HECW2: variants seen among roughly 807,000 people sequenced by gnomAD.
The protein encoded by HECW2 is HECT, C2 and WW domain containing E3 ubiquitin protein ligase 2, also known as E3 ubiquitin-protein ligase HECW2.
HECW2 carries 61 observed loss-of-function variants against 175.2 expected under a neutral mutation model. That is an observed-to-expected ratio of 0.35 (90% confidence interval 0.28 to 0.43). The LOEUF is 0.43. HECW2 is among the 20% of genes least tolerant of loss of function. The probability of loss-of-function intolerance (pLI) is 1.00; values close to 1 mark genes in which losing one functional copy is unlikely to be tolerated. For missense variants in HECW2, 1,524 were observed against 2,000.5 expected (o/e 0.76, Z 4.54); for synonymous variants, 671 against 731.0 (o/e 0.92, Z 1.32).
At chr2:196,521,642 C>A (rs1449423508) in intron 1 of HECW2, among the ~76,000 whole-genome samples, 1 of 130,726 alleles carries the variant, frequency 7.6e-6, no homozygotes, top group Admixed American at 8.3e-5. Flanking sequence ...CTCCCCCCAC[C>A]CCACCACAGT....
chr2:196,266,274 G>A (rs979666465), intron 17 of HECW2, among the ~76,000 whole-genome samples: 1 of 151,860 alleles, frequency 6.6e-6, no homozygotes, highest in African/African-American at 2.4e-5. Flanking sequence ...TTGAGCCCAG[G>A]AGGTTGATGC....
At chr2:196,219,256 A>C (rs1389824730) in intron 26 of HECW2, among the ~76,000 whole-genome samples, 1 of 152,238 alleles carries the variant, frequency 6.6e-6, no homozygotes, top group Non-Finnish European at 1.5e-5. Flanking sequence ...TTTGTCATGA[A>C]TTTCTGAAGG....
chr2:196,416,239 T>A (rs6434852), intron 2 of HECW2, among the ~76,000 whole-genome samples: 144,270 of 152,286 alleles, frequency 0.95, 68,450 homozygotes, highest in East Asian at 1. Context: ...TCATGTTAGA[T>A]CATCTCACTC....
chr2:196,421,137 T>C (rs745682632), intron 2 of HECW2, among the ~76,000 whole-genome samples: 1 of 152,118 alleles, frequency 6.6e-6, no homozygotes, highest in African/African-American at 2.4e-5. Context: ...CAACTCATCA[T>C]TTCCATTGAG....
Position 196,318,674 on chromosome 2 carries a change from C to T in HECW2, c.2216G>A (p.Arg739Gln), listed in dbSNP as rs201414655. 2.5e-5 allele frequency: 40 copies of T among 1,598,676 alleles called. No homozygotes were observed. Among genetic ancestry groups the T allele is most frequent in the Middle Eastern group, 1.7e-4 (1 of 5,968 alleles). Residue 739 changes from arginine (R) to glutamine (Q), a missense_variant, in exon 9 of 29, where the codon CGG becomes CAG. Arg to Gln is a conservative substitution (Grantham distance 43, BLOSUM62 1). Around this residue, in one of 11 missense-constraint regions of HECW2, gnomAD observed 604 missense variants for 588.3 expected, o/e 1.03. Transcript: ENST00000644978. ...DQEELGEVWQ[R>Q]RGSLEGAAAA... ...TGCAGCTCCCTCCAGGCTCCCCCTC[C>T]GCTGCCAGACCTCCCCCAGCTCCTC...
chr2:196,203,265 C>G (rs911721354), intron 28 of HECW2, among the ~76,000 whole-genome samples: 1 of 152,120 alleles, frequency 6.6e-6, no homozygotes, highest in South Asian at 2.1e-4. Flanking sequence ...ATACAATAAG[C>G]ATTTCAGAAT....
intron 2 of HECW2, among the ~76,000 whole-genome samples, chr2:196,386,928 AGCCTT>A (rs1391746341): frequency 6.6e-6 from 1 of 152,196 alleles, no homozygotes; most frequent in African/African-American, 2.4e-5. Flanking sequence ...GCTTGTTATA[AGCCTT>A]GTTATAGCTT....
rs887985686 is a variant in HECW2 at position 196,319,799 on chromosome 2, C to A, written c.1091G>T (p.Ser364Ile). ...DEDMPGSHHD[S>I]QVCSNGPVSE... is the part of the protein sequence containing the mutation. ...AACTGGCCCATTAGAGCACACCTGGCTGTCGTGATGGCTCCCTGGCATGTC... is the reference window on the plus strand; with the variant it reads ...AACTGGCCCATTAGAGCACACCTGGATGTCGTGATGGCTCCCTGGCATGTC... Residue 364 changes from serine (S) to isoleucine (I), a missense_variant, in exon 9 of 29, where the codon AGC becomes ATC. Ser to Ile is a moderately radical substitution (Grantham distance 142, BLOSUM62 -2). Around this residue, in one of 11 missense-constraint regions of HECW2, gnomAD observed 604 missense variants for 588.3 expected, o/e 1.03. Transcript: ENST00000644978. 2.5e-6 allele frequency: 4 copies of A among 1,614,122 alleles called. No individual in the cohort carries two copies. The Admixed American group carries it at 5.0e-5, about 20-fold the overall frequency.
intron 21 of HECW2, among the ~76,000 whole-genome samples, chr2:196,229,635 C>T (rs894724137): frequency 6.6e-6 from 1 of 152,216 alleles, no homozygotes; most frequent in Admixed American, 6.5e-5. Context: ...GCTATGATCA[C>T]GCCACTGCAC....
chr2:196,195,928 A>T lies in HECW2; in HGVS notation c.*5349T>A, dbSNP rs1686671205. 1 of 152,196 alleles carries T rather than the reference A, an allele frequency of 6.6e-6. No individual in the cohort carries two copies. The highest frequency in any genetic ancestry group is 6.5e-5 in the Admixed American group (1 of 15,288). 9.4% of individuals were successfully genotyped at this position (152,196 alleles called of 1,614,324 possible). Reference sequence around the variant, plus strand: ...AATGAGGGTATTTCCCATCTAGTAGATCAAACTGTGCCTTCATCAGGGAGC... The same window carrying T: ...AATGAGGGTATTTCCCATCTAGTAGTTCAAACTGTGCCTTCATCAGGGAGC... On this transcript the variant is annotated 3_prime_UTR_variant, in exon 29 of 29. Transcript: ENST00000644978.
At chr2:196,501,679 A>G (rs1687583276) in intron 1 of HECW2, among the ~76,000 whole-genome samples, 1 of 152,210 alleles carries the variant, frequency 6.6e-6, no homozygotes, top group African/African-American at 2.4e-5. Context: ...TAAAATACTT[A>G]TTTAAAATGT....
intron 17 of HECW2, among the ~76,000 whole-genome samples, chr2:196,261,248 A>G (rs1166818868): frequency 6.6e-6 from 1 of 152,234 alleles, no homozygotes. Context: ...CCACAGGCTA[A>G]AGAGAAAATA....
chr2:196,267,202 A>G (rs959229813), intron 17 of HECW2, among the ~76,000 whole-genome samples: 1 of 152,136 alleles, frequency 6.6e-6, no homozygotes, highest in Non-Finnish European at 1.5e-5. Context: ...GAAATTCTCA[A>G]CTCTTAACTC....
At chr2:196,561,331 C>T (rs1689993919) in intron 1 of HECW2, among the ~76,000 whole-genome samples, 1 of 152,230 alleles carries the variant, frequency 6.6e-6, no homozygotes, top group Admixed American at 6.5e-5. Context: ...GATGTGCTCT[C>T]TGCTCTTGAA....
At chr2:196,334,350 G>A in intron 4 of HECW2, 74 bp downstream of exon 4, 1 of 1,103,340 alleles carries the variant, frequency 9.1e-7, no homozygotes, top group Admixed American at 2.0e-5. Flanking sequence ...ACCCTGTCAG[G>A]GCCGCACAGG....
chr2:196,305,060 C>T (rs1250660362), intron 13 of HECW2, among the ~76,000 whole-genome samples: 1 of 152,202 alleles, frequency 6.6e-6, no homozygotes, highest in Non-Finnish European at 1.5e-5. Flanking sequence ...TGTGCCTTCC[C>T]TTTGGAGTTA....
At chr2:196,582,454 C>T (rs1690824061) in intron 1 of HECW2, among the ~76,000 whole-genome samples, 1 of 152,186 alleles carries the variant, frequency 6.6e-6, no homozygotes, top group African/African-American at 2.4e-5. Context: ...TCAACACCTG[C>T]TTACTGTTTT....
At chr2:196,209,831 T>C (rs1480906681) in intron 28 of HECW2, among the ~76,000 whole-genome samples, 3 of 151,430 alleles carry the variant, frequency 2.0e-5, no homozygotes, top group Non-Finnish European at 4.4e-5. Flanking sequence ...TGGTGCGATC[T>C]CGGCTCACTG....
At chr2:196,574,307 A>C (rs1409536699) in intron 1 of HECW2, among the ~76,000 whole-genome samples, 1 of 151,898 alleles carries the variant, frequency 6.6e-6, no homozygotes, top group Non-Finnish European at 1.5e-5. Flanking sequence ...GTATGCACCC[A>C]TAATCCCAGC....
Sources: allele counts gnomAD v4.1 joint callset (sites outside exome capture counted in the v4.1 genomes callset), GRCh38; gene constraint gnomAD v4.1.1; regional missense constraint gnomAD v4.1.1; transcripts MANE v1.5; gene names NCBI Gene and HGNC (gene_info 2026-07-23, HGNC 2026-07-21).